Variants in PRSS2 observed in about 807,000 individuals in gnomAD.
PRSS2 encodes the protein trypsin-2.
A neutral mutation model predicts 19.2 loss-of-function variants in PRSS2; 19 were observed. The observed-to-expected ratio is 0.99, with a 90% CI of 0.69 to 1.45. The LOEUF is 1.45. Ranked by LOEUF, PRSS2 falls within the 40% of genes most tolerant of loss-of-function variation. The pLI, the probability that PRSS2 is intolerant of heterozygous loss-of-function variation, is 0.00. For missense variants in PRSS2, 288 were observed against 294.4 expected (o/e 0.98, Z 0.16); for synonymous variants, 107 against 117.5 (o/e 0.91, Z 0.58).
Position 142,772,152 on chromosome 7 carries a change from C to G in PRSS2, c.144C>G (p.Cys48Trp), listed in dbSNP as rs990531215. ...QVSLNSGYHFCGGSLISEQWV... is the reference protein window; with the variant it reads ...QVSLNSGYHFWGGSLISEQWV... ...CCTTGAATTCTGGCTACCACTTCTGCGGTGGCTCCCTCATCAGCGAACAGT... is the reference window on the plus strand; with the variant it reads ...CCTTGAATTCTGGCTACCACTTCTGGGGTGGCTCCCTCATCAGCGAACAGT... The change falls in exon 2 of 5, where the codon TGC (cysteine) becomes TGG (tryptophan). Residue 48 changes from cysteine (C) to tryptophan (W), a missense_variant. Coordinates refer to ENST00000539842, the MANE Select transcript of PRSS2 (RefSeq NM_002770.4). The G allele has an allele frequency of 3.1e-6, 5 of 1,591,754 alleles. No individual in the cohort carries two copies. Among genetic ancestry groups the G allele is most frequent in the Non-Finnish European group, 4.3e-6 (5 of 1,169,814 alleles).
rs750361115 is a variant in PRSS2 at position 142,773,372 on chromosome 7, A to C, written c.307A>C (p.Thr103Pro). ...IIRHPKYNSR[T>P]LDNDILLIKL... The stretch of plus-strand genomic sequence containing the variant: ...CCGCCACCCCAAATACAACAGCCGG[A>C]CTCTGGACAATGACATCCTGCTGAT... Residue 103 changes from threonine to proline, a missense_variant, in exon 3 of 5, where the codon ACT becomes CCT. Coordinates refer to ENST00000539842, the MANE Select transcript of PRSS2 (RefSeq NM_002770.4). 1 of 1,613,602 alleles carries C rather than the reference A, an allele frequency of 6.2e-7. No individual in the cohort carries two copies. Among genetic ancestry groups the C allele is most frequent in the South Asian group, 1.1e-5 (1 of 91,060 alleles).
In PRSS2 at chr7:142,772,069, G is replaced by A. The variant is rs1409413095; in HGVS notation, c.61G>A (p.Asp21Asn). ...AAAVAAPFDD[D>N]DKIVGGYICE... ...TCCAGTTGCTGCCCCCTTTGATGAT[G>A]ATGACAAGATCGTTGGGGGCTACAT... Residue 21 changes from aspartate (D) to asparagine (N), a missense_variant, in exon 2 of 5, where the codon GAT becomes AAT. Physicochemically the swap from Asp to Asn is conservative, Grantham distance 23. Transcript: ENST00000539842. 7.4e-6 allele frequency: 12 copies of A among 1,613,716 alleles called. No homozygotes were observed. The African/African-American group carries it at 1.3e-4, about 18-fold the overall frequency.
chr7:142,774,290 G>C, intron 4 of PRSS2, 66 bp from the exon 5 acceptor site: 2 of 1,058,356 alleles, frequency 1.9e-6, no homozygotes, highest in Non-Finnish European at 3.0e-6. Context: ...TTAAGGTTCA[G>C]AGCAAATGTA....
intron 1 of PRSS2, among the ~76,000 whole-genome samples, chr7:142,771,273 G>A (rs943750141): frequency 3.9e-5 from 6 of 152,234 alleles, no homozygotes; most frequent in Non-Finnish European, 8.8e-5. Context: ...GGGAGACCAG[G>A]TGGGGCTGGC....
intron 2 of PRSS2, chr7:142,772,509 A>T (rs1234011341): frequency 1.4e-6 from 1 of 695,536 alleles, no homozygotes; most frequent in African/African-American, 1.8e-5. Flanking sequence ...CTACACATTA[A>T]AGCCACCTAA....
chr7:142,774,136 G>T lies in PRSS2; in HGVS notation c.591+81G>T, dbSNP rs912840268. 4.6e-3 allele frequency: 6,445 copies of T among 1,401,052 alleles called. 5 individuals are homozygous for T. Among genetic ancestry groups the T allele is most frequent in the Non-Finnish European group, 4.7e-3 (4,746 of 1,010,358 alleles). 86.8% of individuals were successfully genotyped at this position (1,401,052 alleles called of 1,614,324 possible). Reference sequence around the variant, plus strand: ...GAAAATGATTTGAACTCCCAAGGTGGCGGGGCTGAGGAGGCTCCCTGCAGT... The same window carrying T: ...GAAAATGATTTGAACTCCCAAGGTGTCGGGGCTGAGGAGGCTCCCTGCAGT... On this transcript the variant is annotated intron_variant, in intron 4 of 4. Coordinates refer to ENST00000539842, the MANE Select transcript of PRSS2 (RefSeq NM_002770.4).
Position 142,772,045 on chromosome 7 carries a change from C to T in PRSS2, c.41-4C>T. On this transcript the variant is annotated splice_region_variant and splice_polypyrimidine_tract_variant and intron_variant, in intron 1 of 4. Coordinates refer to ENST00000539842, the MANE Select transcript of PRSS2 (RefSeq NM_002770.4). ...TGCCTTCTCCCTTCCCATCTCCACT[C>T]CAGTTGCTGCCCCCTTTGATGATGA... 6.2e-7 allele frequency: 1 copy of T among 1,613,894 alleles called. No homozygotes were observed. Among genetic ancestry groups the T allele is most frequent in the African/African-American group, 1.3e-5 (1 of 75,072 alleles).
Position 142,773,992 on chromosome 7 carries a change from T to C in PRSS2, c.528T>C (p.Pro176=), listed in dbSNP as rs1804562. 1 of 1,608,962 alleles carries C rather than the reference T, an allele frequency of 6.2e-7. No homozygotes were observed. The highest frequency in any genetic ancestry group is 8.5e-7 in the Non-Finnish European group (1 of 1,175,342). The part of the protein sequence containing the change: ...LSQAECEASY[P]GKITNNMFCV... ...AGGCTGAGTGTGAAGCCTCCTACCCTGGAAAGATTACCAACAACATGTTCT... is the reference window on the plus strand; with the variant it reads ...AGGCTGAGTGTGAAGCCTCCTACCCCGGAAAGATTACCAACAACATGTTCT... The change falls in exon 4 of 5, where the codon CCT becomes CCC. Residue 176 remains proline, a synonymous_variant. Transcript: ENST00000539842.
intron 2 of PRSS2, 51 bp from the exon 3 acceptor site, chr7:142,773,215 G>A (rs2117079922): frequency 1.2e-6 from 2 of 1,614,094 alleles, no homozygotes; most frequent in Non-Finnish European, 1.7e-6. Flanking sequence ...AGGTGGGAGG[G>A]GTGCCCTGGC....
intron 4 of PRSS2, 103 bp from the exon 5 acceptor site, chr7:142,774,253 C>G (rs1024383507): frequency 2.8e-6 from 3 of 1,064,550 alleles, no homozygotes; most frequent in Non-Finnish European, 4.4e-6. Context: ...GGACGTGGAG[C>G]CACAGAGCTG....
At chr7:142,772,241 A>G (rs1293586584) in intron 2 of PRSS2, 33 bp downstream of exon 2, 8 of 1,611,220 alleles carry the variant, frequency 5.0e-6, no homozygotes, top group African/African-American at 1.3e-5. Context: ...CAAAACTCCC[A>G]GCCAGGCTGC....
At chr7:142,771,940 C>T (rs1799943934) in intron 1 of PRSS2, 109 bp from the exon 2 acceptor site, 3 of 1,531,552 alleles carry the variant, frequency 2.0e-6, no homozygotes, top group Non-Finnish European at 9.0e-7. Flanking sequence ...CTTGCCTAGC[C>T]TCACTGAGCT....
Position 142,773,376 on chromosome 7 carries a change from T to C in PRSS2, c.311T>C (p.Leu104Pro). ...CACCCCAAATACAACAGCCGGACTC[T>C]GGACAATGACATCCTGCTGATCAAG... ...IRHPKYNSRT[L>P]DNDILLIKLS... is the part of the protein sequence containing the mutation. The change falls in exon 3 of 5, where the codon CTG (leucine) becomes CCG (proline). Residue 104 changes from leucine (L) to proline (P), a missense_variant. By Grantham distance (98) the Leu-to-Pro change is moderately conservative (BLOSUM62 -3). Coordinates refer to ENST00000539842, the MANE Select transcript of PRSS2 (RefSeq NM_002770.4). The C allele has an allele frequency of 6.2e-7, 1 of 1,613,498 alleles. No individual in the cohort carries two copies. Among genetic ancestry groups the C allele is most frequent in the Non-Finnish European group, 8.5e-7 (1 of 1,179,386 alleles).
At chr7:142,772,741 A>C (rs373996180) in intron 2 of PRSS2, 8 of 423,818 alleles carry the variant, frequency 1.9e-5, no homozygotes, top group East Asian at 9.6e-5. Flanking sequence ...AATCACTGGG[A>C]CCCATCCCCA....
chr7:142,773,935 G>T lies in PRSS2; in HGVS notation c.471G>T (p.Glu157Asp). The change falls in exon 4 of 5, where the codon GAG (glutamate) becomes GAT (aspartate). Residue 157 changes from glutamate (E) to aspartate (D), a missense_variant. Physicochemically the swap from Glu to Asp is conservative, Grantham distance 45. Transcript: ENST00000539842. ...TLSSGADYPD[E>D]LQCLDAPVLS... ...TCCTCACAGCCGACTACCCAGACGAGCTGCAGTGCCTGGATGCTCCTGTGC... is the reference window on the plus strand; with the variant it reads ...TCCTCACAGCCGACTACCCAGACGATCTGCAGTGCCTGGATGCTCCTGTGC... The T allele has an allele frequency of 1.2e-6, 2 of 1,613,318 alleles. No homozygotes were observed. The highest frequency in any genetic ancestry group is 1.1e-5 in the South Asian group (1 of 91,028).
chr7:142,771,440 G>A (rs1473592032), intron 1 of PRSS2, among the ~76,000 whole-genome samples: 1 of 152,280 alleles, frequency 6.6e-6, no homozygotes, highest in Non-Finnish European at 1.5e-5. Flanking sequence ...CTGGTGTGCA[G>A]CCTGTGTTCT....
chr7:142,771,188 T>C (rs1020973586), intron 1 of PRSS2, among the ~76,000 whole-genome samples, 166 bp downstream of exon 1: 622 of 152,176 alleles, frequency 4.1e-3, no homozygotes, highest in African/African-American at 0.014. Flanking sequence ...GCCTCACTTG[T>C]TCCACCTTCT....
intron 1 of PRSS2, 52 bp from the exon 2 acceptor site, chr7:142,771,997 C>T (rs1799952633): frequency 2.5e-6 from 4 of 1,613,438 alleles, no homozygotes; most frequent in Non-Finnish European, 2.5e-6. Flanking sequence ...GCTGGGAGCG[C>T]CACCCCTAAC....
chr7:142,771,926 C>T, intron 1 of PRSS2, 123 bp from the exon 2 acceptor site: 1 of 1,450,964 alleles, frequency 6.9e-7, no homozygotes, highest in Non-Finnish European at 9.7e-7. Context: ...GCAGCGCTCC[C>T]CCCCTTGCCT....
Sources: allele counts gnomAD v4.1 joint callset (sites outside exome capture counted in the v4.1 genomes callset), GRCh38; gene constraint gnomAD v4.1.1; transcripts MANE v1.5; gene names NCBI Gene and HGNC (gene_info 2026-07-23, HGNC 2026-07-21).